Variants in PRKN observed in about 807,000 individuals in gnomAD.
PRKN encodes the protein E3 ubiquitin-protein ligase parkin.
In PRKN, 56 loss-of-function variants were observed where a neutral mutation model predicts 59.5. The ratio of observed to expected loss-of-function variants is 0.94; its 90% CI spans 0.76 to 1.18. The LOEUF (loss-of-function observed/expected upper bound fraction) is 1.18, where lower values mean the gene tolerates loss of function less well. Ranked by LOEUF, PRKN falls within the 50% of genes most tolerant of loss-of-function variation. PRKN has a pLI of 0.00. For synonymous variants in PRKN, 250 were observed against 222.1 expected, an observed-to-expected ratio of 1.13 and a Z score of -1.12; for missense variants, 657 against 596.4, an observed-to-expected ratio of 1.10 and a Z score of -1.06.
intron 7 of PRKN, among the ~76,000 whole-genome samples, chr6:161,632,583 C>G (rs1783357064): frequency 6.6e-6 from 1 of 152,138 alleles, no homozygotes; most frequent in Admixed American, 6.5e-5. Flanking sequence ...GTATCTGTTT[C>G]TAAATATTCT....
At chr6:162,118,455 T>C (rs1224634632) in intron 4 of PRKN, among the ~76,000 whole-genome samples, 2 of 152,170 alleles carry the variant, frequency 1.3e-5, no homozygotes, top group African/African-American at 4.8e-5. Flanking sequence ...CATTTCAGCT[T>C]AGAGCATACT....
chr6:162,062,582 G>A (rs9295182), intron 4 of PRKN, among the ~76,000 whole-genome samples: 60,556 of 151,936 alleles, frequency 0.4, 12,497 homozygotes, highest in Admixed American at 0.49. Flanking sequence ...GTCCTTAAAA[G>A]CAGACGAAAG....
intron 9 of PRKN, among the ~76,000 whole-genome samples, chr6:161,481,574 A>C (rs1207119012): frequency 6.6e-6 from 1 of 152,148 alleles, no homozygotes; most frequent in Non-Finnish European, 1.5e-5. Context: ...ACTGCACTAG[A>C]ACCTGGCGAC....
intron 7 of PRKN, among the ~76,000 whole-genome samples, chr6:161,772,794 G>C (rs1205725791): frequency 6.6e-6 from 1 of 152,030 alleles, no homozygotes; most frequent in African/African-American, 2.4e-5. Flanking sequence ...GAGGAAGACA[G>C]CCATTATCTA....
intron 1 of PRKN, among the ~76,000 whole-genome samples, chr6:162,634,243 C>A (rs936197481): frequency 1.3e-5 from 2 of 152,162 alleles, no homozygotes; most frequent in African/African-American, 4.8e-5. Flanking sequence ...ACATTGTCTG[C>A]AAAGGGCCAG....
rs185844398 is a variant in PRKN at position 161,975,341 on chromosome 6, C to T, written c.619-1924G>A. Reference sequence around the variant, plus strand: ...TCGTGATCTGCCTGCCTTGGCCTCCCAAAGTGCTGGGATTACAGGTGTGAG... The same window carrying T: ...TCGTGATCTGCCTGCCTTGGCCTCCTAAAGTGCTGGGATTACAGGTGTGAG... On this transcript the variant is annotated intron_variant, in intron 5 of 11. Coordinates refer to ENST00000366898, the MANE Select transcript of PRKN (RefSeq NM_004562.3). 1.2e-3 allele frequency among the ~76,000 whole-genome samples: 189 copies of T among 152,226 alleles called. 2 individuals are homozygous for T. Among genetic ancestry groups the T allele is most frequent in the Non-Finnish European group, 2.2e-3 (147 of 68,002 alleles).
chr6:161,516,657 A>C (rs12527840), intron 9 of PRKN, among the ~76,000 whole-genome samples: 1 of 150,586 alleles, frequency 6.6e-6, no homozygotes, highest in Non-Finnish European at 1.5e-5. Flanking sequence ...GTAAAACTCC[A>C]TCTCCACTAA....
At chr6:162,584,811 CCCTCCCCTCCCCTCCCCT>C (rs1780953392) in intron 1 of PRKN, among the ~76,000 whole-genome samples, 1 of 7,538 alleles carries the variant, frequency 1.3e-4, no homozygotes. Context: ...CCCTCCCCTC[CCCTCCCCTCCCCTCCCCT>C]GTCCCATCCC....
At chr6:161,959,487 A>G (rs1365355674) in intron 6 of PRKN, among the ~76,000 whole-genome samples, 1 of 152,166 alleles carries the variant, frequency 6.6e-6, no homozygotes, top group African/African-American at 2.4e-5. Flanking sequence ...TTCCAAAGCA[A>G]TCCTTTTAGA....
intron 6 of PRKN, among the ~76,000 whole-genome samples, chr6:161,827,534 G>C (rs1304980316): frequency 8.9e-6 from 1 of 112,476 alleles, no homozygotes; most frequent in Non-Finnish European, 1.7e-5. Flanking sequence ...TTTTGAGACA[G>C]AGTCTCAATC....
chr6:161,645,220 G>A (rs78726523), intron 7 of PRKN, among the ~76,000 whole-genome samples: 3,011 of 147,644 alleles, frequency 0.02, 89 homozygotes, highest in African/African-American at 0.073. Flanking sequence ...ATAATCTCAG[G>A]ACTAATTTCC....
Position 161,473,610 on chromosome 6 carries a change from T to A in PRKN, c.1083+75244A>T, listed in dbSNP as rs901829827. Among the ~76,000 whole-genome samples the A allele has an allele frequency of 6.6e-6, 1 of 151,660 alleles. No homozygotes were observed. Among genetic ancestry groups the A allele is most frequent in the Non-Finnish European group, 1.5e-5 (1 of 67,922 alleles). The stretch of plus-strand genomic sequence containing the variant: ...GTGGCAGAAAATGGGGAGATATGGG[T>A]CAAAGCATACAAAGTTACAGGTAGG... On this transcript the variant is annotated intron_variant, in intron 9 of 11. Transcript: ENST00000366898. The surrounding 1 kb of genome is among the most constrained non-coding windows in gnomAD (Gnocchi z 4.1).
rs555653584 is a variant in PRKN, at chr6:161,796,680, T to C, written c.735-10772A>G. Among the ~76,000 whole-genome samples, 14 of 152,320 alleles carry C rather than the reference T, an allele frequency of 9.2e-5. 1 individual carries two copies. The highest frequency in any genetic ancestry group is 6.5e-4 in the Admixed American group (10 of 15,300). On this transcript the variant is annotated intron_variant, in intron 6 of 11. Coordinates refer to ENST00000366898, the MANE Select transcript of PRKN (RefSeq NM_004562.3). ...AAAATTACGTTTATAATAGTCCAAG[T>C]TCTTCAGACTCTAATTTCAGGTCAC...
In PRKN at chr6:162,204,867, C is replaced by A. The variant is rs995277643; in HGVS notation, c.413-3615G>T. 2.1e-5 allele frequency among the ~76,000 whole-genome samples: 3 copies of A among 144,248 alleles called. No individual in the cohort carries two copies. The East Asian group carries it at 6.1e-4, about 29-fold the overall frequency. 94.6% of individuals were successfully genotyped at this position (144,248 alleles called of 152,430 possible). A position where few individuals can be genotyped will look rare whatever the true frequency, so the allele number is the denominator to read the frequency against. On this transcript the variant is annotated intron_variant, in intron 3 of 11. Coordinates refer to ENST00000366898, the MANE Select transcript of PRKN (RefSeq NM_004562.3). ...CATCTTCTTCTTCTTTTTTTTTTTTCTTTTTTCTTTTTTGAGATGGAGTCT... is the reference window on the plus strand; with the variant it reads ...CATCTTCTTCTTCTTTTTTTTTTTTATTTTTTCTTTTTTGAGATGGAGTCT...
Position 161,576,909 on chromosome 6 carries a change from T to C in PRKN, c.872-7493A>G, listed in dbSNP as rs529430652. Among the ~76,000 whole-genome samples, 143 of 152,348 alleles carry C rather than the reference T, an allele frequency of 9.4e-4. 1 individual carries two copies. Among genetic ancestry groups the C allele is most frequent in the Admixed American group, 2.0e-3 (31 of 15,308 alleles). On this transcript the variant is annotated intron_variant, in intron 7 of 11. Transcript: ENST00000366898. This position sits in a 1 kb window ranked among gnomAD's most constrained non-coding sequence, Gnocchi z 4.6. Reference sequence around the variant, plus strand: ...TTGAGAAAAAAGTTGCAATCGTTTATGCACAATGCAATGTCATTTACAGAA... The same window carrying C: ...TTGAGAAAAAAGTTGCAATCGTTTACGCACAATGCAATGTCATTTACAGAA...
chr6:161,746,688 A>G (rs1788433552), intron 7 of PRKN, among the ~76,000 whole-genome samples: 1 of 145,766 alleles, frequency 6.9e-6, no homozygotes. Flanking sequence ...ATATATCTAT[A>G]TAGGTATATG....
chr6:162,247,875 A>G (rs1779262989), intron 3 of PRKN, among the ~76,000 whole-genome samples: 1 of 152,202 alleles, frequency 6.6e-6, no homozygotes, highest in Non-Finnish European at 1.5e-5. Context: ...AATTTGATTA[A>G]ATCGATAATT....
intron 1 of PRKN, among the ~76,000 whole-genome samples, chr6:162,665,617 T>C (rs1005033616): frequency 5.9e-5 from 9 of 152,150 alleles, no homozygotes; most frequent in Admixed American, 2.0e-4. Flanking sequence ...CCCAAAGTAA[T>C]TTATAGATTC....
chr6:162,390,396 T>TATATATATACAC (rs1180636201), intron 2 of PRKN, among the ~76,000 whole-genome samples: 3 of 84,116 alleles, frequency 3.6e-5, no homozygotes, highest in Admixed American at 1.4e-4. Context: ...TATATATATA[T>TATATATATACAC]ACACACACAC....
Sources: gnomAD v4.1 joint callset for allele counts (sites outside exome capture counted in the v4.1 genomes callset) on GRCh38, gnomAD v4.1.1 for gene constraint, Gnocchi (gnomAD v3.1) non-coding constraint, MANE v1.5 for transcripts, NCBI Gene and HGNC (gene_info 2026-07-23, HGNC 2026-07-21) for gene names.